The following DPH6 variants were observed in gnomAD, a reference collection of about 807,000 sequenced individuals.
DPH6 encodes the protein diphthamine biosynthesis 6.
DPH6 carries 33 observed loss-of-function variants against 38.2 expected under a neutral mutation model. The ratio of observed to expected loss-of-function variants is 0.86; its 90% confidence interval spans 0.65 to 1.15. The LOEUF is 1.15. Ranked by LOEUF, DPH6 falls within the 50% of genes most tolerant of loss-of-function variation. The probability of loss-of-function intolerance (pLI) is 0.00; values close to 1 mark genes in which losing one functional copy is unlikely to be tolerated. For missense variants in DPH6, 325 were observed against 320.0 expected, an observed-to-expected ratio of 1.02 and a Z score of -0.12; for synonymous variants, 108 against 103.0, an observed-to-expected ratio of 1.05 and a Z score of -0.30.
chr15:35,353,708 T>C (rs1172841013), intron 3 of DPH6, among the ~76,000 whole-genome samples: 1 of 152,216 alleles, frequency 6.6e-6, no homozygotes, highest in Non-Finnish European at 1.5e-5. Context: ...TGAAGTCAGG[T>C]AGCGTGATGC....
downstream of DPH6, chr15:35,370,867 A>T (rs1285371457): frequency 6.6e-6 from 1 of 151,716 alleles, no homozygotes; most frequent in Non-Finnish European, 1.5e-5. Flanking sequence ...ACTTATCTTC[A>T]CACAAAAACC....
intron 3 of DPH6, among the ~76,000 whole-genome samples, chr15:35,269,595 C>T (rs1385483562): frequency 6.6e-6 from 1 of 151,520 alleles, no homozygotes; most frequent in East Asian, 1.9e-4. Context: ...CGCCAACACG[C>T]CCGGCTAATT....
At chr15:35,428,220 T>G (rs2053592657) in intron 5 of DPH6, among the ~76,000 whole-genome samples, 1 of 152,060 alleles carries the variant, frequency 6.6e-6, no homozygotes, top group Non-Finnish European at 1.5e-5. Context: ...TTTGAAGTTG[T>G]CACCTTTGAA....
chr15:35,374,614 C>T (rs940590628), intron 7 of DPH6, among the ~76,000 whole-genome samples: 1 of 152,084 alleles, frequency 6.6e-6, no homozygotes, highest in African/African-American at 2.4e-5. Context: ...CCCCAATTAT[C>T]ATTCATGAAC....
At chr15:35,391,140 G>C (rs1168990582) in intron 6 of DPH6, among the ~76,000 whole-genome samples, 1 of 152,210 alleles carries the variant, frequency 6.6e-6, no homozygotes, top group African/African-American at 2.4e-5. Flanking sequence ...ATCAGCAGCG[G>C]AGGCTGCAGA....
intron 5 of DPH6, among the ~76,000 whole-genome samples, chr15:35,447,223 T>C (rs2053865972): frequency 3.9e-5 from 6 of 152,190 alleles, no homozygotes; most frequent in Admixed American, 2.0e-4. Context: ...CAGAGTGTTC[T>C]CTCAACATCA....
chr15:35,545,360 T>C (rs532092462), intron 1 of DPH6, among the ~76,000 whole-genome samples: 1 of 152,380 alleles, frequency 6.6e-6, no homozygotes, highest in East Asian at 1.9e-4. Context: ...GACACTTAAA[T>C]TTATGATTTG....
intron 5 of DPH6, among the ~76,000 whole-genome samples, chr15:35,415,620 T>C (rs1293771674): frequency 6.6e-6 from 1 of 151,984 alleles, no homozygotes; most frequent in Admixed American, 6.6e-5. Context: ...ATAATGTAAA[T>C]ATAAAACACA....
the DPH6 span, among the ~76,000 whole-genome samples, chr15:35,159,888 C>T: frequency 6.6e-6 from 1 of 151,962 alleles, no homozygotes. Context: ...AAGAAAGTCA[C>T]ATCTTTTGCA....
the DPH6 span, among the ~76,000 whole-genome samples, chr15:35,205,450 C>T: frequency 6.6e-6 from 1 of 151,920 alleles, no homozygotes; most frequent in African/African-American, 2.4e-5. Context: ...ATCCTCTTGG[C>T]CCATTGAACA....
At chr15:35,346,349 A>C (rs1213744350) in intron 3 of DPH6, among the ~76,000 whole-genome samples, 2 of 152,048 alleles carry the variant, frequency 1.3e-5, no homozygotes, top group Non-Finnish European at 2.9e-5. Context: ...TAAATATAGG[A>C]CTATTCAGAT....
intron 3 of DPH6, among the ~76,000 whole-genome samples, chr15:35,255,155 G>T (rs1442486552): frequency 6.6e-6 from 1 of 152,180 alleles, no homozygotes; most frequent in Non-Finnish European, 1.5e-5. Context: ...TTTGAAAACG[G>T]AGAACTATGA....
chr15:35,337,760 C>T (rs934695612), intron 3 of DPH6, among the ~76,000 whole-genome samples: 2 of 152,098 alleles, frequency 1.3e-5, no homozygotes, highest in Non-Finnish European at 2.9e-5. Context: ...CTGGAGGTAT[C>T]ACACTACCTG....
chr15:35,315,814 T>A (rs1403236463), intron 3 of DPH6, among the ~76,000 whole-genome samples: 2 of 152,068 alleles, frequency 1.3e-5, no homozygotes, highest in African/African-American at 4.8e-5. Context: ...GATGAACGGA[T>A]AAAGAAAATG....
Position 35,372,205 on chromosome 15 carries a change from T to TAA in DPH6, c.751-4_751-3dup. 16 of 1,324,162 alleles carry TAA rather than the reference T, an allele frequency of 1.2e-5. No individual in the cohort carries two copies. Among genetic ancestry groups the TAA allele is most frequent in the South Asian group, 3.2e-5 (2 of 61,884 alleles). The allele number at this position is 1,324,162 out of a possible 1,614,324, so 82.0% of individuals were successfully genotyped here. On this transcript the variant is annotated splice_polypyrimidine_tract_variant and splice_region_variant and intron_variant, in intron 8 of 8. Coordinates refer to ENST00000256538, the MANE Select transcript of DPH6 (RefSeq NM_080650.4). ...GTAGTTGTCAGGCACTGAGGACACC[T>TAA]AAAAAAAAAAGGGAAGGAAAGGGAA...
At position 35,546,054 on chromosome 15, in the gene DPH6, A is replaced by G. The variant is rs149124626; in HGVS notation, c.23+65T>C. 2,019 of 1,294,934 alleles carry G rather than the reference A, an allele frequency of 1.6e-3. 31 individuals are homozygous for G. The East Asian group carries it at 0.041, about 26-fold the overall frequency. The allele number at this position is 1,294,934 out of a possible 1,614,324, so 80.2% of individuals were successfully genotyped here. On this transcript the variant is annotated intron_variant, in intron 1 of 8. Coordinates refer to ENST00000256538, the MANE Select transcript of DPH6 (RefSeq NM_080650.4). ...CGGAGACACCCACTCTTTCGGCGCT[A>G]GCGGCGGCTGGAAGGGACGAGAGCC...
rs147489600 is a variant in DPH6, at chr15:35,386,201, T to C, written c.568-4285A>G. Among the ~76,000 whole-genome samples the C allele has an allele frequency of 4.2e-3, 638 of 152,356 alleles. 2 individuals carry two copies. The highest frequency in any genetic ancestry group is 7.1e-3 in the Non-Finnish European group (485 of 68,034). On this transcript the variant is annotated intron_variant, in intron 6 of 8. Transcript: ENST00000256538. ...CTCATCATTTTTTATGGCTGCATAGTATTCCATGGTGTATATGTGCCACAT... is the reference window on the plus strand; with the variant it reads ...CTCATCATTTTTTATGGCTGCATAGCATTCCATGGTGTATATGTGCCACAT...
intron 3 of DPH6, among the ~76,000 whole-genome samples, chr15:35,357,900 T>C (rs1003710517): frequency 6.6e-6 from 1 of 152,222 alleles, no homozygotes; most frequent in Non-Finnish European, 1.5e-5. Context: ...CCAGGTGTTC[T>C]TTGTGCTTCT....
chr15:35,244,513 C>T (rs963391706), intron 3 of DPH6, among the ~76,000 whole-genome samples: 2 of 152,204 alleles, frequency 1.3e-5, no homozygotes, highest in Non-Finnish European at 2.9e-5. Context: ...ACAATTTATT[C>T]ATCCCATGAT....
Sources: gnomAD v4.1 joint callset for allele counts (sites outside exome capture counted in the v4.1 genomes callset) on GRCh38, gnomAD v4.1.1 for gene constraint, MANE v1.5 for transcripts, NCBI Gene and HGNC (gene_info 2026-07-23, HGNC 2026-07-21) for gene names.